IQGAP3: variants seen among roughly 807,000 people sequenced by gnomAD.
The protein encoded by IQGAP3 is IQ motif containing GTPase activating protein 3.
IQGAP3 carries 165 observed loss-of-function variants against 208.2 expected under a neutral mutation model. That is an observed-to-expected ratio of 0.79 (90% CI 0.70 to 0.90). IQGAP3 has a LOEUF of 0.90. Among genes scored for constraint, IQGAP3 ranks in the 40% least tolerant of loss-of-function variants. The pLI is 0.00. For missense variants in IQGAP3, 1,811 were observed against 2,043.1 expected, an observed-to-expected ratio of 0.89 and a Z score of 2.19; for synonymous variants, 703 against 803.6, an observed-to-expected ratio of 0.87 and a Z score of 2.12.
At position 156,533,768 on chromosome 1, in the gene IQGAP3, C is replaced by T. The variant is rs41267377; in HGVS notation, c.3976+5G>A. The T allele has an allele frequency of 0.02, 32,773 of 1,611,352 alleles. 397 individuals are homozygous for T. Among genetic ancestry groups the T allele is most frequent in the Middle Eastern group, 0.062 (343 of 5,556 alleles). On this transcript the variant is annotated splice_donor_5th_base_variant and intron_variant, in intron 31 of 37. Coordinates refer to ENST00000361170, the MANE Select transcript of IQGAP3 (RefSeq NM_178229.5). ...CTGGCCTCAGCTGCTAAGGAGGGCA[C>T]GTACCAATAAGGTCAGGGATGGTGG... is the stretch of plus-strand genomic sequence containing the variant.
At chr1:156,552,133 G>A (rs1675583686) in intron 13 of IQGAP3, 38 bp from the exon 14 acceptor site, 1 of 1,603,644 alleles carries the variant, frequency 6.2e-7, no homozygotes, top group Middle Eastern at 1.7e-4. Flanking sequence ...TGAGTAGCAT[G>A]TGAATCATCA....
chr1:156,563,756 C>T lies in IQGAP3; in HGVS notation c.505+1G>A. The T allele has an allele frequency of 6.2e-7, 1 of 1,613,682 alleles. No individual in the cohort carries two copies. Among genetic ancestry groups the T allele is most frequent in the Non-Finnish European group, 8.5e-7 (1 of 1,179,750 alleles). ...GTGGTCAGGGAAGGAGCTGGGCTTA[C>T]CTGTGAATTTCACTTTCCCGTATAG... On this transcript the variant is annotated splice_donor_variant, in intron 6 of 37. Coordinates refer to ENST00000361170, the MANE Select transcript of IQGAP3 (RefSeq NM_178229.5). LOFTEE classifies it high-confidence loss of function.
chr1:156,560,719 G>A (rs1358578886), intron 11 of IQGAP3, among the ~76,000 whole-genome samples: 1 of 152,086 alleles, frequency 6.6e-6, no homozygotes, highest in Non-Finnish European at 1.5e-5. Context: ...GTGCAGTATT[G>A]GCATGTCATT....
chr1:156,562,058 C>G (rs1467697135), intron 9 of IQGAP3, 57 bp from the exon 10 acceptor site: 40 of 1,467,376 alleles, frequency 2.7e-5, no homozygotes, highest in Non-Finnish European at 3.6e-5. Flanking sequence ...TCATAATCCC[C>G]TAGTCCAGCC....
intron 5 of IQGAP3, among the ~76,000 whole-genome samples, chr1:156,564,213 C>T (rs533289645): frequency 1.3e-3 from 199 of 152,228 alleles, no homozygotes; most frequent in African/African-American, 1.2e-3. Flanking sequence ...AGGAACCGGT[C>T]GGTCACTTGC....
Position 156,526,207 on chromosome 1 carries a change from AAGGTCC to A in IQGAP3, c.*273_*278del. The A allele has an allele frequency of 2.5e-6, 1 of 398,140 alleles. No homozygotes were observed. 24.7% of individuals were successfully genotyped at this position (398,140 alleles called of 1,614,324 possible). A position where few individuals can be genotyped will look rare whatever the true frequency, so the allele number is the denominator to read the frequency against. On this transcript the variant is annotated 3_prime_UTR_variant, in exon 38 of 38. Coordinates refer to ENST00000361170, the MANE Select transcript of IQGAP3 (RefSeq NM_178229.5). ...ACAAGAGTAATGGCTTTCCCAGGTC[AAGGTCC>A]ATGTCCTACCATCTGGCAGGAAAGC...
rs1351058311 is a variant in IQGAP3 at position 156,534,008 on chromosome 1, C to A, written c.3873+1G>T. 6.2e-7 allele frequency: 1 copy of A among 1,613,700 alleles called. No individual in the cohort carries two copies. The highest frequency in any genetic ancestry group is 8.5e-7 in the Non-Finnish European group (1 of 1,180,010). On this transcript the variant is annotated splice_donor_variant, in intron 30 of 37. Coordinates refer to ENST00000361170, the MANE Select transcript of IQGAP3 (RefSeq NM_178229.5). LOFTEE classifies it high-confidence loss of function. ...ACACCCTCCAGATCTCAGCCCCTCA[C>A]CCTGTGCGTGTTGACCAGCTCCCCC...
rs769161435 is a variant in IQGAP3, at chr1:156,563,118, C to G, written c.798+16G>C. On this transcript the variant is annotated intron_variant, in intron 8 of 37. Coordinates refer to ENST00000361170, the MANE Select transcript of IQGAP3 (RefSeq NM_178229.5). ...ACTCAACTTTTCGGTCCCTGCAACC[C>G]AAGACTACTCCTTACATGGTTCCTG... is the stretch of plus-strand genomic sequence containing the variant. The G allele has an allele frequency of 6.4e-7, 1 of 1,564,024 alleles. No individual in the cohort carries two copies. The highest frequency in any genetic ancestry group is 1.2e-5 in the South Asian group (1 of 85,152).
chr1:156,539,368 G>C lies in IQGAP3; in HGVS notation c.3056+6C>G. On this transcript the variant is annotated splice_donor_region_variant and intron_variant, in intron 25 of 37. Transcript: ENST00000361170. ...CTCCCCATTCCTTTGTGTCTGGAGA[G>C]CCTACTTGATTTCCTCCTGGAGTGC... The C allele has an allele frequency of 1.9e-6, 3 of 1,613,026 alleles. No individual in the cohort carries two copies. The highest frequency in any genetic ancestry group is 1.7e-6 in the Non-Finnish European group (2 of 1,179,570).
At chr1:156,571,465 G>GCACA (rs145771295) in intron 1 of IQGAP3, among the ~76,000 whole-genome samples, 1 of 151,502 alleles carries the variant, frequency 6.6e-6, no homozygotes, top group Non-Finnish European at 1.5e-5. Flanking sequence ...ACACATGCGT[G>GCACA]CACACACACA....
intron 22 of IQGAP3, among the ~76,000 whole-genome samples, chr1:156,541,186 T>A (rs1390703586): frequency 6.6e-6 from 1 of 151,930 alleles, no homozygotes; most frequent in African/African-American, 2.4e-5. Context: ...CCTGGGTCTA[T>A]CCCAGGGACC....
At chr1:156,546,649 A>G (rs1341602287) in intron 19 of IQGAP3, among the ~76,000 whole-genome samples, 1 of 152,212 alleles carries the variant, frequency 6.6e-6, no homozygotes, top group African/African-American at 2.4e-5. Flanking sequence ...CCTAATCAAC[A>G]TATGAGGTGA....
chr1:156,540,985 C>G, intron 22 of IQGAP3, 69 bp from the exon 23 acceptor site: 1 of 1,291,140 alleles, frequency 7.7e-7, no homozygotes, highest in Non-Finnish European at 1.1e-6. Flanking sequence ...AGCCCCTGCC[C>G]GAGTCAGCCC....
rs1300330542 is a variant in IQGAP3, at chr1:156,540,719, T to G, written c.2728A>C (p.Ile910Leu). 1 of 1,613,776 alleles carries G rather than the reference T, an allele frequency of 6.2e-7. No individual in the cohort carries two copies. Among genetic ancestry groups the G allele is most frequent in the Non-Finnish European group, 8.5e-7 (1 of 1,179,966 alleles). Residue 910 changes from isoleucine (I) to leucine (L), a missense_variant, in exon 23 of 38, where the codon ATC becomes CTC. Physicochemically the swap from Ile to Leu is conservative, Grantham distance 5. Coordinates refer to ENST00000361170, the MANE Select transcript of IQGAP3 (RefSeq NM_178229.5). ...GGTGGGCCCCATACCTGCAGAGTGA[T>G]CCGGTTCTTCACCAGCAGGCCAATC... ...IKIGLLVKNR[I>L]TLQEVVSHCK...
intron 15 of IQGAP3, 50 bp downstream of exon 15, chr1:156,551,655 G>A: frequency 6.4e-7 from 1 of 1,560,234 alleles, no homozygotes; most frequent in East Asian, 2.3e-5. Context: ...GCAACCCACA[G>A]AGAATGTTCT....
chr1:156,571,930 A>T (rs1386315137), intron 1 of IQGAP3, among the ~76,000 whole-genome samples: 1 of 152,140 alleles, frequency 6.6e-6, no homozygotes, highest in Admixed American at 6.5e-5. Context: ...CCTCACAATC[A>T]CCTGGGGTGA....
intron 31 of IQGAP3, 141 bp downstream of exon 31, chr1:156,533,632 G>A (rs1344472418): frequency 1.2e-5 from 8 of 657,996 alleles, no homozygotes; most frequent in African/African-American, 9.1e-5. Flanking sequence ...GCCCATGTCA[G>A]GACCAGAGGG....
Position 156,539,844 on chromosome 1 carries a change from C to A in IQGAP3, c.2886G>T (p.Leu962=). The A allele has an allele frequency of 2.5e-6, 4 of 1,614,180 alleles. No individual in the cohort carries two copies. Among genetic ancestry groups the A allele is most frequent in the Non-Finnish European group, 3.4e-6 (4 of 1,180,016 alleles). The change falls in exon 24 of 38, where the codon CTG becomes CTT. Residue 962 remains leucine, a synonymous_variant. Transcript: ENST00000361170. ...KLEAYQHLFY[L]LQTQPIYLAK... is the part of the protein sequence containing the mutation. ...TGGAAAGTCCTCTGCTAACCTGGAG[C>A]AGGTAGAAGAGGTGTTGGTATGCTT...
Position 156,533,099 on chromosome 1 carries a change from G to A in IQGAP3, c.3984C>T (p.Ser1328=). The A allele has an allele frequency of 6.2e-7, 1 of 1,613,928 alleles. No individual in the cohort carries two copies. The highest frequency in any genetic ancestry group is 1.7e-5 in the Admixed American group (1 of 60,024). ...LPTIPDLIGE[S]IAADGHTDLS... ...GGTCCGTGTGCCCATCTGCAGCGAT[G>A]CTCTCACCTGAGGTGTGGTGAGGAA... Residue 1328 remains serine, a synonymous_variant, in exon 32 of 38, where the codon AGC becomes AGT. Coordinates refer to ENST00000361170, the MANE Select transcript of IQGAP3 (RefSeq NM_178229.5).
Sources: allele counts gnomAD v4.1 joint callset (sites outside exome capture counted in the v4.1 genomes callset), GRCh38; gene constraint gnomAD v4.1.1; transcripts MANE v1.5; gene names NCBI Gene and HGNC (gene_info 2026-07-23, HGNC 2026-07-21).